The following PRKAR2A variants were observed in gnomAD, a reference collection of about 807,000 sequenced individuals.
The protein encoded by PRKAR2A is cAMP-dependent protein kinase type II-alpha regulatory subunit.
In PRKAR2A, 29 loss-of-function variants were observed where a neutral mutation model predicts 51.9. The ratio of observed to expected loss-of-function variants is 0.56; its 90% confidence interval spans 0.42 to 0.76. The LOEUF is 0.76. Ranked by LOEUF, PRKAR2A falls within the 30% of genes least tolerant of loss-of-function variation. The pLI, the probability that PRKAR2A is intolerant of heterozygous loss-of-function variation, is 0.00. For missense variants in PRKAR2A, 445 were observed against 512.1 expected (o/e 0.87, Z 1.26); for synonymous variants, 178 against 186.2 (o/e 0.96, Z 0.36).
chr3:48,800,889 G>A (rs931214817), intron 2 of PRKAR2A, among the ~76,000 whole-genome samples: 2 of 151,924 alleles, frequency 1.3e-5, no homozygotes, highest in African/African-American at 2.4e-5. Context: ...TAGCCAGGAT[G>A]GTCTCCATCT....
intron 2 of PRKAR2A, 106 bp from the exon 3 acceptor site, chr3:48,794,155 T>A: frequency 8.4e-6 from 2 of 237,006 alleles, no homozygotes; most frequent in Non-Finnish European, 1.4e-5. Context: ...TTTTCTTTTC[T>A]TTTTTTTTTT....
intron 5 of PRKAR2A, among the ~76,000 whole-genome samples, chr3:48,777,210 C>T (rs1327487626): frequency 6.6e-6 from 1 of 152,118 alleles, no homozygotes; most frequent in Non-Finnish European, 1.5e-5. Flanking sequence ...GGGAGCCTGC[C>T]CTGCTCTCTC....
Position 48,847,026 on chromosome 3 carries a change from C to G in PRKAR2A, c.262+309G>C, listed in dbSNP as rs967248733. Among the ~76,000 whole-genome samples, 6 of 152,350 alleles carry G rather than the reference C, an allele frequency of 3.9e-5. 1 individual carries two copies. The highest frequency in any genetic ancestry group is 2.6e-4 in the Admixed American group (4 of 15,306). On this transcript the variant is annotated intron_variant, in intron 1 of 10. Coordinates refer to ENST00000265563, the MANE Select transcript of PRKAR2A (RefSeq NM_004157.4). The surrounding 1 kb of genome is among the most constrained non-coding windows in gnomAD (Gnocchi z 4.4). ...AACGCTGTTGTCTTCGAAGCCAAAA[C>G]TGGTGAAGGGTCTTAAGCAAAGGCG...
rs988810505 is a variant in PRKAR2A, at chr3:48,762,147, C to T, written c.873+2857G>A. Among the ~76,000 whole-genome samples the T allele has an allele frequency of 4.6e-5, 7 of 152,076 alleles. No homozygotes were observed. In the South Asian group the frequency reaches 6.2e-4, roughly 13 times the overall value. ...CCATTAAGAAAATGAAGGCCAGGTGCGGAGGTGCACACCTATAATCCCAGC... is the reference window on the plus strand; with the variant it reads ...CCATTAAGAAAATGAAGGCCAGGTGTGGAGGTGCACACCTATAATCCCAGC... On this transcript the variant is annotated intron_variant, in intron 8 of 10. Transcript: ENST00000265563.
chr3:48,833,722 AAAAG>A (rs1269653495), intron 1 of PRKAR2A, among the ~76,000 whole-genome samples: 31 of 149,674 alleles, frequency 2.1e-4, no homozygotes, highest in Non-Finnish European at 3.6e-4. Flanking sequence ...AAAAAAAAAA[AAAAG>A]AAAGAAAGAA....
At chr3:48,834,325 CTG>C (rs1270728204) in intron 1 of PRKAR2A, among the ~76,000 whole-genome samples, 4 of 152,058 alleles carry the variant, frequency 2.6e-5, no homozygotes, top group Non-Finnish European at 5.9e-5. Flanking sequence ...ATAAATCAGA[CTG>C]TACTTCAGGT....
rs1018761413 is a variant in PRKAR2A, at chr3:48,750,396, G to C, written c.*1189C>G. ...AAACAAAAAAAAAATTTTTGTTTTTGTAGAGACAGGATCTCACTCTGTTGC... is the reference window on the plus strand; with the variant it reads ...AAACAAAAAAAAAATTTTTGTTTTTCTAGAGACAGGATCTCACTCTGTTGC... On this transcript the variant is annotated 3_prime_UTR_variant, in exon 11 of 11. Coordinates refer to ENST00000265563, the MANE Select transcript of PRKAR2A (RefSeq NM_004157.4). 6.6e-6 allele frequency: 1 copy of C among 152,632 alleles called. No homozygotes were observed. Among genetic ancestry groups the C allele is most frequent in the African/African-American group, 2.4e-5 (1 of 41,392 alleles). The allele number at this position is 152,632 out of a possible 1,614,324, so 9.5% of individuals were successfully genotyped here.
At chr3:48,758,738 C>CA (rs775304634) in intron 8 of PRKAR2A, among the ~76,000 whole-genome samples, 4 of 152,156 alleles carry the variant, frequency 2.6e-5, no homozygotes, top group Non-Finnish European at 5.9e-5. Context: ...TGCTCACTCC[C>CA]AGCAGGCTCT....
intron 1 of PRKAR2A, among the ~76,000 whole-genome samples, chr3:48,829,344 C>G (rs1315664068): frequency 6.6e-6 from 1 of 151,094 alleles, no homozygotes; most frequent in Admixed American, 6.6e-5. Context: ...CATGGGGAAA[C>G]CCTGTCTATA....
chr3:48,778,859 A>T (rs1467771247), intron 5 of PRKAR2A, among the ~76,000 whole-genome samples: 1 of 77,280 alleles, frequency 1.3e-5, no homozygotes, highest in Non-Finnish European at 2.5e-5. Context: ...GAGTTTCACT[A>T]TTGTTGCCCA....
intron 2 of PRKAR2A, among the ~76,000 whole-genome samples, chr3:48,806,225 T>C (rs1000260314): frequency 1.3e-5 from 2 of 152,190 alleles, no homozygotes; most frequent in African/African-American, 4.8e-5. Context: ...AAGACAAGGA[T>C]TGAGGGATAG....
downstream of PRKAR2A, among the ~76,000 whole-genome samples, chr3:48,745,444 GTTAAC>G (rs1011591942): frequency 5.3e-5 from 8 of 150,142 alleles, no homozygotes; most frequent in Admixed American, 5.3e-4. Context: ...AATTTTATGT[GTTAAC>G]TTGACTGGGC....
rs376938118 is a variant in PRKAR2A at position 48,753,965 on chromosome 3, T to G, written c.940-1648A>C. ...CAGGCTGGAGTGCAGTGGTGTGATCTCAGCTCACTGCAAGCTCTGCCTCCT... is the reference window on the plus strand; with the variant it reads ...CAGGCTGGAGTGCAGTGGTGTGATCGCAGCTCACTGCAAGCTCTGCCTCCT... On this transcript the variant is annotated intron_variant, in intron 9 of 10. Transcript: ENST00000265563. Among the ~76,000 whole-genome samples, 18 of 150,024 alleles carry G rather than the reference T, an allele frequency of 1.2e-4. No individual in the cohort carries two copies. In the East Asian group the frequency reaches 2.6e-3, roughly 21 times the overall value.
chr3:48,831,765 C>T (rs908220493), intron 1 of PRKAR2A, among the ~76,000 whole-genome samples: 1 of 151,936 alleles, frequency 6.6e-6, no homozygotes, highest in African/African-American at 2.4e-5. Context: ...TACAGGTGTG[C>T]ACCACCACAC....
intron 8 of PRKAR2A, among the ~76,000 whole-genome samples, chr3:48,763,087 G>A (rs187869499): frequency 1.3e-5 from 2 of 152,270 alleles, no homozygotes; most frequent in East Asian, 3.9e-4. Context: ...CTTAAACTTA[G>A]TAATTTTATT....
At chr3:48,773,419 C>T (rs1181060389) in intron 5 of PRKAR2A, among the ~76,000 whole-genome samples, 1 of 142,756 alleles carries the variant, frequency 7.0e-6, no homozygotes, top group Admixed American at 7.5e-5. Flanking sequence ...TCTCAGCTCA[C>T]TGCAAGCTCC....
chr3:48,757,167 C>T (rs1227437778), intron 8 of PRKAR2A, among the ~76,000 whole-genome samples: 2 of 152,038 alleles, frequency 1.3e-5, no homozygotes, highest in Non-Finnish European at 2.9e-5. Context: ...AGGTACTTCA[C>T]CAAGAAGAGG....
In PRKAR2A at chr3:48,795,249, A is replaced by G. The variant is rs529746012; in HGVS notation, c.299-1200T>C. On this transcript the variant is annotated intron_variant, in intron 2 of 10. Transcript: ENST00000265563. Reference sequence around the variant, plus strand: ...CGGCCTCCCAAAGTGCTGGGATTACAGGCGTGAGCCACCGCGACTAGCCTG... The same window carrying G: ...CGGCCTCCCAAAGTGCTGGGATTACGGGCGTGAGCCACCGCGACTAGCCTG... Among the ~76,000 whole-genome samples the G allele has an allele frequency of 6.0e-4, 91 of 152,312 alleles. 3 individuals are homozygous for G. The highest frequency in any genetic ancestry group is 3.2e-4 in the Non-Finnish European group (22 of 68,030).
At chr3:48,745,967 G>A (rs1412697522), downstream of PRKAR2A, among the ~76,000 whole-genome samples, 1 of 151,902 alleles carries the variant, frequency 6.6e-6, no homozygotes, top group Non-Finnish European at 1.5e-5. Flanking sequence ...AAGTAAGACA[G>A]AATGCCCACC....
Sources: allele counts gnomAD v4.1 joint callset (sites outside exome capture counted in the v4.1 genomes callset), GRCh38; gene constraint gnomAD v4.1.1; non-coding constraint Gnocchi (gnomAD v3.1); transcripts MANE v1.5; gene names NCBI Gene and HGNC (gene_info 2026-07-23, HGNC 2026-07-21).